Variants in PARM1 observed in about 807,000 individuals in gnomAD.
The protein encoded by PARM1 is prostate androgen-regulated mucin-like protein 1.
In PARM1, 14 loss-of-function variants were observed where a neutral mutation model predicts 24.6. That is an observed-to-expected ratio of 0.57 (90% CI 0.38 to 0.89). The LOEUF (loss-of-function observed/expected upper bound fraction) is 0.89, where lower values mean the gene tolerates loss of function less well. Among genes scored for constraint, PARM1 ranks in the 40% least tolerant of loss-of-function variants. The probability of loss-of-function intolerance (pLI) is 0.00; values close to 1 mark genes in which losing one functional copy is unlikely to be tolerated. For missense variants in PARM1, 362 were observed against 380.4 expected, an observed-to-expected ratio of 0.95 and a Z score of 0.40; for synonymous variants, 179 against 156.6, an observed-to-expected ratio of 1.14 and a Z score of -1.07.
intron 1 of PARM1, among the ~76,000 whole-genome samples, chr4:74,968,709 T>A (rs1721961925): frequency 6.6e-6 from 1 of 152,228 alleles, no homozygotes; most frequent in Non-Finnish European, 1.5e-5. Flanking sequence ...TTGCATTTTT[T>A]ATTCATTCAT....
chr4:74,989,205 C>A (rs970341423), intron 1 of PARM1, among the ~76,000 whole-genome samples: 1 of 152,146 alleles, frequency 6.6e-6, no homozygotes, highest in Admixed American at 6.5e-5. Context: ...CTTATACTAT[C>A]TACCTGAAGA....
chr4:75,047,959 A>G lies in PARM1; in HGVS notation c.*1712A>G, dbSNP rs1458814689. Reference sequence around the variant, plus strand: ...GCAGCATCTTATGTCCTGATTTCATATAGTAGAAAACAAACATTGGGTCCG... The same window carrying G: ...GCAGCATCTTATGTCCTGATTTCATGTAGTAGAAAACAAACATTGGGTCCG... On this transcript the variant is annotated 3_prime_UTR_variant, in exon 4 of 4. Coordinates refer to ENST00000307428, the MANE Select transcript of PARM1 (RefSeq NM_015393.4). 2 of 152,196 alleles carry G rather than the reference A, an allele frequency of 1.3e-5. No individual in the cohort carries two copies. Among genetic ancestry groups the G allele is most frequent in the South Asian group, 2.1e-4 (1 of 4,816 alleles). The allele number at this position is 152,196 out of a possible 1,614,324, so 9.4% of individuals were successfully genotyped here. A position where few individuals can be genotyped will look rare whatever the true frequency, so the allele number is the denominator to read the frequency against.
chr4:74,946,415 T>C (rs566201869), intron 1 of PARM1, among the ~76,000 whole-genome samples: 1 of 152,360 alleles, frequency 6.6e-6, no homozygotes, highest in African/African-American at 2.4e-5. Context: ...ACCCGTTTTC[T>C]TCCCACAGTC....
intron 1 of PARM1, among the ~76,000 whole-genome samples, chr4:74,960,560 C>T (rs1206431719): frequency 6.6e-6 from 1 of 152,038 alleles, no homozygotes; most frequent in African/African-American, 2.4e-5. Context: ...AATCTGATTT[C>T]CAAAATCACT....
chr4:75,044,418 G>A (rs1167663559), intron 3 of PARM1, among the ~76,000 whole-genome samples: 1 of 152,094 alleles, frequency 6.6e-6, no homozygotes, highest in African/African-American at 2.4e-5. Flanking sequence ...CAGTTTTGGG[G>A]GGATCTCTGG....
At chr4:75,026,846 C>T (rs778583107) in intron 2 of PARM1, among the ~76,000 whole-genome samples, 51 of 152,180 alleles carry the variant, frequency 3.4e-4, no homozygotes, top group African/African-American at 1.2e-3. Context: ...ATTTACAAAG[C>T]ATTTGATCTT....
In PARM1 at chr4:75,047,703, T is replaced by C. The variant is rs1723635913; in HGVS notation, c.*1456T>C. The C allele has an allele frequency of 1.3e-5, 2 of 152,250 alleles. No homozygotes were observed. Among genetic ancestry groups the C allele is most frequent in the Non-Finnish European group, 2.9e-5 (2 of 68,048 alleles). The allele number at this position is 152,250 out of a possible 1,614,324, so 9.4% of individuals were successfully genotyped here. A position where few individuals can be genotyped will look rare whatever the true frequency, so the allele number is the denominator to read the frequency against. On this transcript the variant is annotated 3_prime_UTR_variant, in exon 4 of 4. Coordinates refer to ENST00000307428, the MANE Select transcript of PARM1 (RefSeq NM_015393.4). The stretch of plus-strand genomic sequence containing the variant: ...CAGTAGTGCCGAGATTGAGAAACCC[T>C]GATTTATCACAATGCCCACTGTGAC...
intron 1 of PARM1, among the ~76,000 whole-genome samples, chr4:74,987,037 G>A (rs977074518): frequency 1.1e-4 from 17 of 152,134 alleles, no homozygotes; most frequent in African/African-American, 4.1e-4. Flanking sequence ...AACATTAATT[G>A]AAATAGGACC....
intron 3 of PARM1, 92 bp from the exon 4 acceptor site, chr4:75,046,071 A>G (rs1276855929): frequency 2.5e-6 from 2 of 793,130 alleles, no homozygotes; most frequent in Non-Finnish European, 4.3e-6. Flanking sequence ...CCCTGGCCCC[A>G]TAAGCATCCC....
intron 3 of PARM1, among the ~76,000 whole-genome samples, chr4:75,038,069 A>G (rs1053198623): frequency 6.6e-6 from 1 of 152,062 alleles, no homozygotes; most frequent in Non-Finnish European, 1.5e-5. Context: ...GGCACACACC[A>G]CCACACCTGG....
chr4:75,005,531 G>A (rs993793709), intron 1 of PARM1, among the ~76,000 whole-genome samples: 37 of 152,054 alleles, frequency 2.4e-4, no homozygotes, highest in African/African-American at 8.0e-4. Context: ...GACTCTCTAC[G>A]CTACAATGCC....
At chr4:74,994,863 G>C (rs1205622356) in intron 1 of PARM1, among the ~76,000 whole-genome samples, 2 of 151,816 alleles carry the variant, frequency 1.3e-5, no homozygotes, top group Non-Finnish European at 2.9e-5. Context: ...GCATAAGATT[G>C]TCACTACAAT....
chr4:74,933,445 G>C, intron 1 of PARM1, 75 bp downstream of exon 1: 1 of 1,335,412 alleles, frequency 7.5e-7, no homozygotes, highest in Non-Finnish European at 1.1e-6. Flanking sequence ...CGGGGCTGAA[G>C]CTAGGAGATC....
chr4:75,000,216 A>G (rs955074650), intron 1 of PARM1, among the ~76,000 whole-genome samples: 2 of 152,220 alleles, frequency 1.3e-5, no homozygotes, highest in African/African-American at 2.4e-5. Context: ...CCAGGTTCCA[A>G]TTAGACAGAG....
intron 1 of PARM1, among the ~76,000 whole-genome samples, chr4:74,990,327 G>C (rs562252267): frequency 1.1e-4 from 17 of 152,148 alleles, no homozygotes; most frequent in African/African-American, 4.1e-4. Flanking sequence ...GGTCCTTGAA[G>C]GACTGACTTT....
At position 74,933,369 on chromosome 4, in the gene PARM1, A is replaced by C. The variant is rs932229938; in HGVS notation, c.42A>C (p.Ala14=). ...KTLFALCILT[A]GWRVQSLPTS... is the part of the protein sequence containing the mutation. ...TCTTCGCTCTTTGCATCTTAACTGC[A>C]GGTAATTGGCGCCATCCTCCCGGAA... The change falls in exon 1 of 4, where the codon GCA becomes GCC. Residue 14 remains alanine (A), a splice_region_variant and synonymous_variant. Transcript: ENST00000307428. The C allele has an allele frequency of 6.2e-7, 1 of 1,612,616 alleles. No homozygotes were observed. The highest frequency in any genetic ancestry group is 1.7e-5 in the Admixed American group (1 of 59,854).
At chr4:75,036,450 C>T (rs1046511509) in intron 3 of PARM1, among the ~76,000 whole-genome samples, 9 of 152,348 alleles carry the variant, frequency 5.9e-5, no homozygotes, top group Non-Finnish European at 1.2e-4. Flanking sequence ...TCATTTCCCT[C>T]ACCTGTAAAA....
At chr4:74,952,349 G>T (rs1001677005) in intron 1 of PARM1, among the ~76,000 whole-genome samples, 2 of 152,142 alleles carry the variant, frequency 1.3e-5, no homozygotes, top group Non-Finnish European at 2.9e-5. Context: ...CCCTTTGTCA[G>T]ATGGATAGAT....
At chr4:74,957,131 T>C (rs1471105307) in intron 1 of PARM1, 1 of 152,226 alleles carries the variant, frequency 6.6e-6, no homozygotes, top group Non-Finnish European at 1.5e-5. Flanking sequence ...TGCCAGCCAT[T>C]GTGTTAGGCA....
Sources: allele counts gnomAD v4.1 joint callset (sites outside exome capture counted in the v4.1 genomes callset), GRCh38; gene constraint gnomAD v4.1.1; transcripts MANE v1.5; gene names NCBI Gene and HGNC (gene_info 2026-07-23, HGNC 2026-07-21).